Variants in ZDHHC14 observed in about 807,000 individuals in gnomAD.
ZDHHC14 encodes the protein zDHHC palmitoyltransferase 14.
ZDHHC14 carries 16 observed loss-of-function variants against 47.7 expected under a neutral mutation model. The ratio of observed to expected loss-of-function variants is 0.34; its 90% CI spans 0.23 to 0.51. ZDHHC14 has a LOEUF of 0.51. ZDHHC14 is among the 20% of genes least tolerant of loss of function. The probability of loss-of-function intolerance (pLI) is 0.97; values close to 1 mark genes in which losing one functional copy is unlikely to be tolerated. For synonymous variants in ZDHHC14, 293 were observed against 278.9 expected (o/e 1.05, Z -0.50); for missense variants, 515 against 662.5 (o/e 0.78, Z 2.44).
At chr6:157,533,221 A>G (rs1781427008) in intron 1 of ZDHHC14, among the ~76,000 whole-genome samples, 1 of 152,164 alleles carries the variant, frequency 6.6e-6, no homozygotes, top group South Asian at 2.1e-4. Flanking sequence ...TGGAGGTTAC[A>G]TCAGTGAACC....
At chr6:157,602,093 T>G (rs1223076690) in intron 3 of ZDHHC14, among the ~76,000 whole-genome samples, 1 of 151,592 alleles carries the variant, frequency 6.6e-6, no homozygotes, top group East Asian at 1.9e-4. Flanking sequence ...TCCCAGCTAC[T>G]AGGGAGGCTT....
intron 8 of ZDHHC14, among the ~76,000 whole-genome samples, chr6:157,662,261 A>T (rs757702444): frequency 1.3e-5 from 2 of 150,644 alleles, no homozygotes; most frequent in Non-Finnish European, 3.0e-5. Flanking sequence ...TGCTCACTGC[A>T]CTCTTGACCT....
chr6:157,644,748 C>G (rs1466107528), intron 5 of ZDHHC14, among the ~76,000 whole-genome samples: 1 of 152,214 alleles, frequency 6.6e-6, no homozygotes, highest in African/African-American at 2.4e-5. Context: ...GCGTTTCTTT[C>G]TCCATCCTGT....
chr6:157,586,747 G>C lies in ZDHHC14; in HGVS notation c.407-6241G>C, dbSNP rs1300342004. ...ATAAATATTGGTTGACTTTTTTCAT[G>C]GCATCGCTGGGCCCTGAATCCAGGT... is the stretch of plus-strand genomic sequence containing the variant. On this transcript the variant is annotated intron_variant, in intron 2 of 8. Transcript: ENST00000359775. The surrounding 1 kb of genome is among the most constrained non-coding windows in gnomAD (Gnocchi z 4.6). Among the ~76,000 whole-genome samples, 1 of 152,086 alleles carries C rather than the reference G, an allele frequency of 6.6e-6. No homozygotes were observed. The highest frequency in any genetic ancestry group is 1.5e-5 in the Non-Finnish European group (1 of 68,020).
intron 5 of ZDHHC14, among the ~76,000 whole-genome samples, chr6:157,643,650 A>AAAATATATATATATATATATATATATAT (rs765773743): frequency 2.8e-5 from 2 of 72,528 alleles, no homozygotes; most frequent in Admixed American, 3.5e-4. Context: ...CTTCATCTCA[A>AAAATATATATATATATATATATATATAT]ATATATATAT....
chr6:157,672,667 CCCCACCTCTG>C, intron 8 of ZDHHC14, 47 bp from the exon 9 acceptor site: 1 of 1,443,720 alleles, frequency 6.9e-7, no homozygotes, highest in Non-Finnish European at 9.5e-7. Flanking sequence ...CCCTGTCCCT[CCCCACCTCTG>C]CCCCCTCCTC....
At chr6:157,420,440 G>A (rs1778073440) in intron 1 of ZDHHC14, among the ~76,000 whole-genome samples, 1 of 151,714 alleles carries the variant, frequency 6.6e-6, no homozygotes, top group Non-Finnish European at 1.5e-5. Context: ...GTCATTGAAG[G>A]GGTGGGCTGA....
intron 5 of ZDHHC14, among the ~76,000 whole-genome samples, chr6:157,641,446 T>C (rs2114973959): frequency 6.6e-6 from 1 of 152,334 alleles, no homozygotes; most frequent in Middle Eastern, 3.4e-3. Context: ...TAATTTCCAT[T>C]TTCTGGATAA....
chr6:157,484,308 TATATATACAC>T (rs1231506398), intron 1 of ZDHHC14, among the ~76,000 whole-genome samples: 8 of 115,252 alleles, frequency 6.9e-5, no homozygotes, highest in African/African-American at 3.0e-5. Flanking sequence ...TATATATACA[TATATATACAC>T]ATATATATAC....
intron 1 of ZDHHC14, among the ~76,000 whole-genome samples, chr6:157,497,498 G>A (rs1184654165): frequency 6.6e-6 from 1 of 152,150 alleles, no homozygotes; most frequent in Admixed American, 6.5e-5. Flanking sequence ...AGTGGAATTT[G>A]CATGTAATGT....
intron 1 of ZDHHC14, among the ~76,000 whole-genome samples, chr6:157,403,313 T>A (rs969042737): frequency 2.0e-5 from 3 of 152,230 alleles, no homozygotes; most frequent in African/African-American, 7.2e-5. Context: ...AATAACCTGC[T>A]AGGTTATGAA....
At chr6:157,658,169 A>G (rs1778185748) in intron 8 of ZDHHC14, among the ~76,000 whole-genome samples, 1 of 152,094 alleles carries the variant, frequency 6.6e-6, no homozygotes, top group Non-Finnish European at 1.5e-5. Flanking sequence ...AATAGAGATG[A>G]CTGGCATGAG....
At chr6:157,661,393 G>A (rs1778337713) in intron 8 of ZDHHC14, among the ~76,000 whole-genome samples, 1 of 152,148 alleles carries the variant, frequency 6.6e-6, no homozygotes, top group Non-Finnish European at 1.5e-5. Context: ...CTTACATGCT[G>A]GAAGATTATT....
chr6:157,481,508 C>G (rs1471334958), intron 1 of ZDHHC14, among the ~76,000 whole-genome samples: 1 of 152,212 alleles, frequency 6.6e-6, no homozygotes, highest in Non-Finnish European at 1.5e-5. Context: ...CTGATTCAGA[C>G]AAGCTGTTCT....
At chr6:157,596,929 T>TGA (rs1338890125) in intron 3 of ZDHHC14, among the ~76,000 whole-genome samples, 1 of 152,170 alleles carries the variant, frequency 6.6e-6, no homozygotes, top group African/African-American at 2.4e-5. Context: ...AATCGCCTTG[T>TGA]TTCTCTGTAA....
intron 1 of ZDHHC14, among the ~76,000 whole-genome samples, chr6:157,405,659 G>A (rs1016657275): frequency 5.9e-5 from 9 of 152,120 alleles, no homozygotes; most frequent in South Asian, 2.1e-4. Flanking sequence ...ATGTTGTACT[G>A]TTAATAATAA....
chr6:157,594,202 C>T (rs997228284), intron 3 of ZDHHC14, among the ~76,000 whole-genome samples: 3 of 152,126 alleles, frequency 2.0e-5, no homozygotes, highest in Admixed American at 1.3e-4. Flanking sequence ...AGCAGTCTTC[C>T]GTTTGTCTTA....
At chr6:157,491,609 A>C (rs989875657) in intron 1 of ZDHHC14, among the ~76,000 whole-genome samples, 1 of 152,208 alleles carries the variant, frequency 6.6e-6, no homozygotes, top group Non-Finnish European at 1.5e-5. Flanking sequence ...CTGAATGTGA[A>C]TTTCTACATT....
intron 1 of ZDHHC14, among the ~76,000 whole-genome samples, chr6:157,477,932 T>G (rs569187580): frequency 2.0e-4 from 30 of 152,226 alleles, no homozygotes; most frequent in Non-Finnish European, 3.1e-4. Flanking sequence ...AACTTTCTTT[T>G]GACATAGGTA....
Sources: allele counts gnomAD v4.1 joint callset (sites outside exome capture counted in the v4.1 genomes callset), GRCh38; gene constraint gnomAD v4.1.1; non-coding constraint Gnocchi (gnomAD v3.1); transcripts MANE v1.5; gene names NCBI Gene and HGNC (gene_info 2026-07-23, HGNC 2026-07-21).